The following DBX2 variants were observed in gnomAD, a reference collection of about 807,000 sequenced individuals.
The protein encoded by DBX2 is developing brain homeobox 2, also known as homeobox protein DBX2.
Under a neutral mutation model 17.7 loss-of-function variants are expected in DBX2, and 16 were observed. The ratio of observed to expected loss-of-function variants is 0.90; its 90% CI spans 0.61 to 1.37. The LOEUF is 1.37. DBX2 is among the 40% of genes most tolerant of loss of function. DBX2 has a pLI of 0.00. For missense variants in DBX2, 538 were observed against 433.8 expected, an observed-to-expected ratio of 1.24 and a Z score of -2.13; for synonymous variants, 255 against 183.8, an observed-to-expected ratio of 1.39 and a Z score of -3.13.
Position 45,016,534 on chromosome 12 carries a change from C to T in DBX2, c.772G>A (p.Val258Ile). The change falls in exon 4 of 4, where the codon GTA becomes ATA. Residue 258 changes from valine to isoleucine, a missense_variant. Coordinates refer to ENST00000332700, the MANE Select transcript of DBX2 (RefSeq NM_001004329.3). ...EVLSNRCIQE[V>I]GLQEDPLSRS... ...GAGAGGGGATCCTCTTGAAGACCTACTTCTTGGATACACCTGTTGGAAAGC... is the reference window on the plus strand; with the variant it reads ...GAGAGGGGATCCTCTTGAAGACCTATTTCTTGGATACACCTGTTGGAAAGC... 2 of 1,607,748 alleles carry T rather than the reference C, an allele frequency of 1.2e-6. No individual in the cohort carries two copies. The highest frequency in any genetic ancestry group is 8.5e-7 in the Non-Finnish European group (1 of 1,177,804).
intron 1 of DBX2, 150 bp downstream of exon 1, chr12:45,050,375 T>C (rs1388208214): frequency 3.7e-6 from 4 of 1,081,582 alleles, no homozygotes; most frequent in South Asian, 1.7e-5. Context: ...ACTCCCGAAG[T>C]GGCATCTCCA....
Position 45,022,298 on chromosome 12 carries a change from G to GTTTTT in DBX2, c.687+1404_687+1408dup, listed in dbSNP as rs745546411. Among the ~76,000 whole-genome samples the GTTTTT allele has an allele frequency of 7.5e-3, 618 of 82,490 alleles. 50 individuals are homozygous for GTTTTT. The highest frequency in any genetic ancestry group is 9.5e-3 in the Non-Finnish European group (447 of 47,098). 54.1% of individuals were successfully genotyped at this position (82,490 alleles called of 152,430 possible). On this transcript the variant is annotated intron_variant, in intron 3 of 3. Transcript: ENST00000332700. ...AGGAGAGTTTAGTCCAATAATAACT[G>GTTTTT]TTTTTTTTTTTTTTTTTTTTTTTGA... is the stretch of plus-strand genomic sequence containing the variant.
chr12:45,032,405 G>A (rs1056560387), intron 2 of DBX2, among the ~76,000 whole-genome samples: 1 of 152,150 alleles, frequency 6.6e-6, no homozygotes, highest in Non-Finnish European at 1.5e-5. Context: ...AATCTGGTCA[G>A]TGTCCTCAGT....
chr12:45,048,831 T>C (rs1304339432), intron 1 of DBX2, among the ~76,000 whole-genome samples: 1 of 152,166 alleles, frequency 6.6e-6, no homozygotes, highest in East Asian at 1.9e-4. Context: ...GAATAAAATA[T>C]TTGGAAAAAT....
At position 45,050,851 on chromosome 12, in the gene DBX2, G is replaced by T; in HGVS notation, c.77C>A (p.Pro26His). ...VVASSALLNLPAAPGFGNLGK... is the reference protein window; with the variant it reads ...VVASSALLNLHAAPGFGNLGK... ...CAGGTTGCCAAAGCCGGGCGCAGCG[G>T]GGAGGTTGAGGAGCGCGGAGGAAGC... is the stretch of plus-strand genomic sequence containing the variant. The change falls in exon 1 of 4, where the codon CCC (proline) becomes CAC (histidine). Residue 26 changes from proline to histidine, a missense_variant. By Grantham distance (77) the Pro-to-His change is moderately conservative. Transcript: ENST00000332700. The T allele has an allele frequency of 6.5e-7, 1 of 1,538,376 alleles. No individual in the cohort carries two copies. The highest frequency in any genetic ancestry group is 2.1e-5 in the Admixed American group (1 of 48,466).
At chr12:45,044,474 T>A (rs946981681) in intron 1 of DBX2, among the ~76,000 whole-genome samples, 1 of 152,158 alleles carries the variant, frequency 6.6e-6, no homozygotes, top group Non-Finnish European at 1.5e-5. Context: ...TTTGTGGAAA[T>A]CTATATATTC....
At chr12:45,027,667 G>GA (rs915009598) in intron 2 of DBX2, among the ~76,000 whole-genome samples, 2 of 152,184 alleles carry the variant, frequency 1.3e-5, no homozygotes, top group East Asian at 1.9e-4. Flanking sequence ...AAAATGCAGA[G>GA]AAAAAAATTG....
intron 1 of DBX2, among the ~76,000 whole-genome samples, chr12:45,049,754 A>C (rs1407139227): frequency 6.6e-6 from 1 of 151,958 alleles, no homozygotes; most frequent in Non-Finnish European, 1.5e-5. Context: ...AGCCCTACAT[A>C]ATATTTGCTA....
chr12:45,023,664 A>G (rs763605250), intron 3 of DBX2, 43 bp downstream of exon 3: 1 of 1,609,710 alleles, frequency 6.2e-7, no homozygotes, highest in Admixed American at 1.7e-5. Context: ...ATCTGATCTC[A>G]GAAGAAATCA....
Position 45,020,442 on chromosome 12 carries a change from A to G in DBX2, c.687+3265T>C, listed in dbSNP as rs116174403. ...CCACATTTTGTCTACACACTGAGTA[A>G]TACTACTTATATAAAAGTACAAAAA... is the stretch of plus-strand genomic sequence containing the variant. On this transcript the variant is annotated intron_variant, in intron 3 of 3. Transcript: ENST00000332700. Among the ~76,000 whole-genome samples the G allele has an allele frequency of 8.8e-3, 1,333 of 152,192 alleles. 24 individuals are homozygous for G. The highest frequency in any genetic ancestry group is 0.031 in the African/African-American group (1,271 of 41,512).
At position 45,050,783 on chromosome 12, in the gene DBX2, C is replaced by A; in HGVS notation, c.145G>T (p.Ala49Ser). The change falls in exon 1 of 4, where the codon GCC becomes TCC. Residue 49 changes from alanine to serine, a missense_variant. Ala to Ser is a moderately conservative substitution (Grantham distance 99). Transcript: ENST00000332700. Reference protein sequence around the residue: ...LIENLLRVGGAPTPRLQPPAP... With the variant: ...LIENLLRVGGSPTPRLQPPAP... The stretch of plus-strand genomic sequence containing the variant: ...GGCGGCTGCAGCCTGGGCGTTGGGG[C>A]GCCCCCGACCCGCAGCAAATTCTCG... The A allele has an allele frequency of 1.3e-6, 2 of 1,518,394 alleles. No individual in the cohort carries two copies. The highest frequency in any genetic ancestry group is 1.2e-5 in the South Asian group (1 of 80,280). 94.1% of individuals were successfully genotyped at this position (1,518,394 alleles called of 1,614,324 possible). A position where few individuals can be genotyped will look rare whatever the true frequency, so the allele number is the denominator to read the frequency against.
At position 45,015,262 on chromosome 12, in the gene DBX2, G is replaced by A. The variant is rs893627879; in HGVS notation, c.*1024C>T. ...ATATAAAGTGTATGCCACCTAAGTG[G>A]AAAATTGAGTCCCTAACTAGAAGCG... On this transcript the variant is annotated 3_prime_UTR_variant, in exon 4 of 4. Coordinates refer to ENST00000332700, the MANE Select transcript of DBX2 (RefSeq NM_001004329.3). 7.2e-5 allele frequency: 11 copies of A among 152,164 alleles called. No homozygotes were observed. Among genetic ancestry groups the A allele is most frequent in the African/African-American group, 2.7e-4 (11 of 41,430 alleles). 9.4% of individuals were successfully genotyped at this position (152,164 alleles called of 1,614,324 possible). A position where few individuals can be genotyped will look rare whatever the true frequency, so the allele number is the denominator to read the frequency against.
chr12:45,017,730 T>C (rs1835602450), intron 3 of DBX2, among the ~76,000 whole-genome samples: 1 of 152,218 alleles, frequency 6.6e-6, no homozygotes, highest in African/African-American at 2.4e-5. Flanking sequence ...TCCCTCTTTA[T>C]ACACTGTGTA....
Position 45,036,082 on chromosome 12 carries a change from G to A in DBX2, c.436C>T (p.Pro146Ser), listed in dbSNP as rs1402574607. 1.2e-6 allele frequency: 2 copies of A among 1,613,546 alleles called. No homozygotes were observed. Among genetic ancestry groups the A allele is most frequent in the Non-Finnish European group, 1.7e-6 (2 of 1,179,880 alleles). Reference sequence around the variant, plus strand: ...CCACCGCAGCACGCCGAGTAGAATGGCGGGGTGCTCAGAAGGAAAGGTTTG... The same window carrying A: ...CCACCGCAGCACGCCGAGTAGAATGACGGGGTGCTCAGAAGGAAAGGTTTG... Reference protein sequence around the residue: ...PSKPFLLSTPPFYSACCGGSC... With the variant: ...PSKPFLLSTPSFYSACCGGSC... Residue 146 changes from proline (P) to serine (S), a missense_variant, in exon 2 of 4, where the codon CCA (proline) becomes TCA (serine). Transcript: ENST00000332700.
intron 3 of DBX2, among the ~76,000 whole-genome samples, chr12:45,018,518 G>C (rs190512286): frequency 6.6e-6 from 1 of 152,186 alleles, no homozygotes; most frequent in African/African-American, 2.4e-5. Context: ...AGATTATCAT[G>C]ATAGTCTTGG....
chr12:45,045,778 GGT>G (rs1475597014), intron 1 of DBX2, among the ~76,000 whole-genome samples: 2 of 151,926 alleles, frequency 1.3e-5, no homozygotes, highest in Non-Finnish European at 2.9e-5. Flanking sequence ...GGAGTGCAGT[GGT>G]GCAATCACAG....
At chr12:45,035,401 G>A (rs1946434510) in intron 2 of DBX2, among the ~76,000 whole-genome samples, 1 of 152,176 alleles carries the variant, frequency 6.6e-6, no homozygotes, top group Non-Finnish European at 1.5e-5. Context: ...TCCTTTGAGT[G>A]TGAGAGTGTG....
chr12:45,023,518 G>A (rs182152563), intron 3 of DBX2, among the ~76,000 whole-genome samples, 189 bp downstream of exon 3: 1 of 152,230 alleles, frequency 6.6e-6, no homozygotes, highest in Non-Finnish European at 1.5e-5. Context: ...ATTATGAAAA[G>A]CATTTCAAGA....
intron 2 of DBX2, among the ~76,000 whole-genome samples, chr12:45,030,897 C>A (rs2137024179): frequency 6.6e-6 from 1 of 152,262 alleles, no homozygotes; most frequent in South Asian, 2.1e-4. Context: ...TATATAGATT[C>A]AATAGCTTCT....
Sources: gnomAD v4.1 joint callset for allele counts (sites outside exome capture counted in the v4.1 genomes callset) on GRCh38, gnomAD v4.1.1 for gene constraint, MANE v1.5 for transcripts, NCBI Gene and HGNC (gene_info 2026-07-23, HGNC 2026-07-21) for gene names.